Variants in DOK6 observed in about 807,000 individuals in gnomAD.
The protein encoded by DOK6 is downstream of tyrosine kinase 6.
DOK6 carries 22 observed loss-of-function variants against 44.0 expected under a neutral mutation model. The ratio of observed to expected loss-of-function variants is 0.50; its 90% CI spans 0.36 to 0.71. DOK6 has a LOEUF of 0.71. Among genes scored for constraint, DOK6 ranks in the 30% least tolerant of loss-of-function variants. The pLI is 0.00. For synonymous variants in DOK6, 166 were observed against 145.5 expected (o/e 1.14, Z -1.01); for missense variants, 340 against 416.4 (o/e 0.82, Z 1.60).
At chr18:69,521,715 G>T (rs777904265) in intron 1 of DOK6, among the ~76,000 whole-genome samples, 9 of 151,826 alleles carry the variant, frequency 5.9e-5, no homozygotes, top group Non-Finnish European at 1.2e-4. Context: ...GAGTACAAAG[G>T]TACAATTAGG....
intron 1 of DOK6, among the ~76,000 whole-genome samples, chr18:69,504,036 T>G (rs1599162632): frequency 1.3e-5 from 2 of 152,220 alleles, no homozygotes; most frequent in Non-Finnish European, 2.9e-5. Context: ...TCTTATGGAT[T>G]CACGATGGAA....
At position 69,535,984 on chromosome 18, in the gene DOK6, A is replaced by T. The variant is rs1023654965; in HGVS notation, c.67-28503A>T. ...ATGAAATCCAGAATTCTGCCAAAAA[A>T]GTAAATAGAGAGACATAGGGAGAAG... On this transcript the variant is annotated intron_variant, in intron 1 of 7. Coordinates refer to ENST00000382713, the MANE Select transcript of DOK6 (RefSeq NM_152721.6). Among the ~76,000 whole-genome samples the T allele has an allele frequency of 2.0e-5, 3 of 152,180 alleles. 1 individual carries two copies. Among genetic ancestry groups the T allele is most frequent in the Non-Finnish European group, 4.4e-5 (3 of 68,002 alleles).
At position 69,732,889 on chromosome 18, in the gene DOK6, G is replaced by T. The variant is rs1218599380; in HGVS notation, c.600-6076G>T. ...TAGTCCATTCTCACACCGCTAAGAA[G>T]AATTATCCGAGACCGGGTAATTTAT... On this transcript the variant is annotated intron_variant, in intron 5 of 7. Transcript: ENST00000382713. 1.3e-5 allele frequency among the ~76,000 whole-genome samples: 2 copies of T among 152,196 alleles called. 1 individual carries two copies. The highest frequency in any genetic ancestry group is 2.9e-5 in the Non-Finnish European group (2 of 68,038).
At chr18:69,841,062 G>A (rs1205646470) in intron 7 of DOK6, among the ~76,000 whole-genome samples, 182 bp from the exon 8 acceptor site, 1 of 152,136 alleles carries the variant, frequency 6.6e-6, no homozygotes, top group South Asian at 2.1e-4. Context: ...AAGGATCAAG[G>A]CAACAAGATT....
chr18:69,525,967 C>A (rs1220109478), intron 1 of DOK6, among the ~76,000 whole-genome samples: 1 of 151,988 alleles, frequency 6.6e-6, no homozygotes, highest in Non-Finnish European at 1.5e-5. Flanking sequence ...GTGATCTATA[C>A]AATTTAAAAA....
rs529777169 is a variant in DOK6 at position 69,507,868 on chromosome 18, C to A, written c.67-56619C>A. 8.5e-5 allele frequency among the ~76,000 whole-genome samples: 13 copies of A among 152,124 alleles called. No homozygotes were observed. The South Asian group carries it at 2.3e-3, about 27-fold the overall frequency. On this transcript the variant is annotated intron_variant, in intron 1 of 7. Transcript: ENST00000382713. ...TTGTTTCTTTTGTAGCCTTGTTGCA[C>A]TGACTGGATGCAGTCAGTGCAACTC...
At chr18:69,527,042 T>C (rs1175641806) in intron 1 of DOK6, among the ~76,000 whole-genome samples, 1 of 152,200 alleles carries the variant, frequency 6.6e-6, no homozygotes, top group Admixed American at 6.5e-5. Flanking sequence ...ACCCATTGCT[T>C]GTTTAATCCC....
At chr18:69,559,771 T>TGAGA (rs1982782736) in intron 1 of DOK6, among the ~76,000 whole-genome samples, 1 of 152,148 alleles carries the variant, frequency 6.6e-6, no homozygotes, top group Non-Finnish European at 1.5e-5. Context: ...GCCAGCCCCA[T>TGAGA]TGGGTTCTGG....
chr18:69,684,148 G>T (rs1427053775), intron 4 of DOK6, among the ~76,000 whole-genome samples: 1 of 152,096 alleles, frequency 6.6e-6, no homozygotes, highest in Non-Finnish European at 1.5e-5. Context: ...TTTATTATTT[G>T]ATTTATATAG....
intron 5 of DOK6, among the ~76,000 whole-genome samples, chr18:69,700,216 C>CATATATATATATATATAT (rs61078235): frequency 0.11 from 13,973 of 123,498 alleles, 1,359 homozygotes; most frequent in East Asian, 0.25. Context: ...CATATATATA[C>CATATATATATATATATAT]ATATATATAT....
chr18:69,586,559 G>T (rs73455865), intron 2 of DOK6, among the ~76,000 whole-genome samples: 2,159 of 152,278 alleles, frequency 0.014, 44 homozygotes, highest in African/African-American at 0.049. Flanking sequence ...CCATCTGAAC[G>T]TTTGAATGAC....
chr18:69,815,805 A>G (rs1981382680), intron 7 of DOK6, among the ~76,000 whole-genome samples: 1 of 152,172 alleles, frequency 6.6e-6, no homozygotes, highest in African/African-American at 2.4e-5. Flanking sequence ...ATATATGTAT[A>G]TATACAAACA....
intron 6 of DOK6, among the ~76,000 whole-genome samples, chr18:69,751,631 A>T (rs1362210575): frequency 1.3e-5 from 2 of 152,204 alleles, no homozygotes; most frequent in Admixed American, 1.3e-4. Flanking sequence ...TATTAGTTAA[A>T]AATGAAAAAT....
intron 7 of DOK6, among the ~76,000 whole-genome samples, chr18:69,769,248 C>T (rs2093758528): frequency 6.6e-6 from 1 of 151,956 alleles, no homozygotes; most frequent in Admixed American, 6.6e-5. Context: ...AAATTTCTTA[C>T]TGACAATTAC....
intron 1 of DOK6, chr18:69,470,290 T>C (rs993789657): frequency 8.5e-5 from 13 of 152,212 alleles, no homozygotes; most frequent in African/African-American, 3.1e-4. Context: ...TCCCAGCTTT[T>C]CTCAGGCCCA....
Position 69,588,363 on chromosome 18 carries a change from A to G in DOK6, c.175-11021A>G, listed in dbSNP as rs186819550. ...CGGTAACTCTTGCTAAACAGTTAAA[A>G]CATGTGTGTTTTTCCTCTCTCTGTG... On this transcript the variant is annotated intron_variant, in intron 2 of 7. Coordinates refer to ENST00000382713, the MANE Select transcript of DOK6 (RefSeq NM_152721.6). Among the ~76,000 whole-genome samples, 25 of 152,294 alleles carry G rather than the reference A, an allele frequency of 1.6e-4. No homozygotes were observed. The Middle Eastern group carries it at 0.01, about 62-fold the overall frequency.
intron 7 of DOK6, among the ~76,000 whole-genome samples, chr18:69,765,607 G>C (rs1599313676): frequency 6.6e-6 from 1 of 152,100 alleles, no homozygotes; most frequent in Non-Finnish European, 1.5e-5. Flanking sequence ...TTACAAACCT[G>C]CTTATTCCAC....
At chr18:69,542,486 A>T (rs1343274474) in intron 1 of DOK6, among the ~76,000 whole-genome samples, 1 of 151,556 alleles carries the variant, frequency 6.6e-6, no homozygotes, top group African/African-American at 2.4e-5. Flanking sequence ...AGAAAAAGAT[A>T]AGTTAAGCCA....
chr18:69,432,425 C>A (rs1165359503), intron 1 of DOK6, among the ~76,000 whole-genome samples: 1 of 152,036 alleles, frequency 6.6e-6, no homozygotes, highest in Non-Finnish European at 1.5e-5. Context: ...GCCTGGGAAA[C>A]AGAGAGAGAC....
Sources: allele counts gnomAD v4.1 joint callset (sites outside exome capture counted in the v4.1 genomes callset), GRCh38; gene constraint gnomAD v4.1.1; transcripts MANE v1.5; gene names NCBI Gene and HGNC (gene_info 2026-07-23, HGNC 2026-07-21).